The following PIM1 variants were observed in gnomAD, a reference collection of about 807,000 sequenced individuals.
PIM1 encodes serine/threonine-protein kinase pim-1.
Under a neutral mutation model 34.5 loss-of-function variants are expected in PIM1, and 9 were observed. The ratio of observed to expected loss-of-function variants is 0.26; its 90% CI spans 0.16 to 0.46. The LOEUF is 0.46. PIM1 is among the 20% of genes least tolerant of loss of function. The probability of loss-of-function intolerance (pLI) is 1.00; values close to 1 mark genes in which losing one functional copy is unlikely to be tolerated. For missense variants in PIM1, 274 were observed against 410.9 expected (o/e 0.67, Z 2.88); for synonymous variants, 199 against 175.2 (o/e 1.14, Z -1.07).
intron 4 of PIM1, among the ~76,000 whole-genome samples, chr6:37,171,869 GTTTTA>G (rs1398395863): frequency 6.6e-6 from 1 of 152,096 alleles, no homozygotes; most frequent in East Asian, 1.9e-4. Context: ...TGTAATTTTT[GTTTTA>G]TTTTATAAGG....
chr6:37,173,204 A>C, intron 5 of PIM1, 32 bp downstream of exon 5: 1 of 1,597,634 alleles, frequency 6.3e-7, no homozygotes. Context: ...CCATGGGGTT[A>C]TTGGTCTTAA....
chr6:37,172,991 C>T lies in PIM1; in HGVS notation c.608-5C>T, dbSNP rs773953967. 4 of 1,613,592 alleles carry T rather than the reference C, an allele frequency of 2.5e-6. No individual in the cohort carries two copies. The highest frequency in any genetic ancestry group is 1.3e-5 in the African/African-American group (1 of 74,832). ...TGTTTTCTCTTCTATTCCCTTGGCT[C>T]ACAGGGACCCGAGTGTATAGCCCTC... On this transcript the variant is annotated splice_region_variant and splice_polypyrimidine_tract_variant and intron_variant, in intron 4 of 5. Transcript: ENST00000373509.
In PIM1 at chr6:37,171,109, C is replaced by T. The variant is rs540189126; in HGVS notation, c.241-16C>T. On this transcript the variant is annotated splice_polypyrimidine_tract_variant and intron_variant, in intron 3 of 5. Transcript: ENST00000373509. ...CCCCCGACTCCCGCCCTAACGCGGC[C>T]CCCTCGCCCCTGCAGCCTAATGGCA... The T allele has an allele frequency of 5.6e-6, 9 of 1,613,822 alleles. No individual in the cohort carries two copies. In the Admixed American group the frequency reaches 8.3e-5, roughly 15 times the overall value.
rs778390341 is a variant in PIM1, at chr6:37,170,454, A to G, written c.-122A>G. 1 of 1,550,316 alleles carries G rather than the reference A, an allele frequency of 6.5e-7. No homozygotes were observed. The highest frequency in any genetic ancestry group is 1.2e-5 in the South Asian group (1 of 86,076). On this transcript the variant is annotated 5_prime_UTR_variant, in exon 1 of 6. Coordinates refer to ENST00000373509, the MANE Select transcript of PIM1 (RefSeq NM_002648.4). Reference sequence around the variant, plus strand: ...CGCGCCAGCCGCAGCCACAGCCGCAACGCCACCCGCAGCCACAGCCACAGC... The same window carrying G: ...CGCGCCAGCCGCAGCCACAGCCGCAGCGCCACCCGCAGCCACAGCCACAGC...
chr6:37,172,256 C>T (rs1345346518), intron 4 of PIM1, among the ~76,000 whole-genome samples: 2 of 152,096 alleles, frequency 1.3e-5, no homozygotes, highest in African/African-American at 4.8e-5. Flanking sequence ...GTTTATTTGC[C>T]CTTGGAGGAC....
Position 37,170,968 on chromosome 6 carries a change from C to G in PIM1, c.190-13C>G. 5 of 1,613,924 alleles carry G rather than the reference C, an allele frequency of 3.1e-6. No individual in the cohort carries two copies. Among genetic ancestry groups the G allele is most frequent in the Non-Finnish European group, 4.2e-6 (5 of 1,179,964 alleles). The stretch of plus-strand genomic sequence containing the variant: ...CCGGACGAGGGAACCTGACGGAGAC[C>G]CTGGGCTTCCAGGTGGCCATCAAAC... On this transcript the variant is annotated splice_polypyrimidine_tract_variant and intron_variant, in intron 2 of 5. Transcript: ENST00000373509.
At position 37,171,017 on chromosome 6, in the gene PIM1, G is replaced by T. The variant is rs771898144; in HGVS notation, c.226G>T (p.Asp76Tyr). 2.5e-5 allele frequency: 41 copies of T among 1,613,962 alleles called. No individual in the cohort carries two copies. The highest frequency in any genetic ancestry group is 3.2e-5 in the Non-Finnish European group (38 of 1,180,018). The part of the protein sequence containing the change: ...IKHVEKDRIS[D>Y]WGELPNGTRV... The stretch of plus-strand genomic sequence containing the variant: ...ACACGTGGAGAAGGACCGGATTTCC[G>T]ACTGGGGAGAGCTGGTGAGTGCCCT... The change falls in exon 3 of 6, where the codon GAC (aspartate) becomes TAC (tyrosine). Residue 76 changes from aspartate (D) to tyrosine (Y), a missense_variant. By Grantham distance (160) the Asp-to-Tyr change is radical. Transcript: ENST00000373509.
At chr6:37,170,695 G>A (rs1433815262) in intron 1 of PIM1, 38 bp downstream of exon 1, 2 of 1,605,242 alleles carry the variant, frequency 1.2e-6, no homozygotes, top group South Asian at 1.1e-5. Flanking sequence ...GGGATGCGGG[G>A]CGGCGGCGGG....
In PIM1 at chr6:37,173,145, G is replaced by A. The variant is rs1762338189; in HGVS notation, c.757G>A (p.Val253Ile). 6.2e-7 allele frequency: 1 copy of A among 1,614,184 alleles called. No homozygotes were observed. Among genetic ancestry groups the A allele is most frequent in the Non-Finnish European group, 8.5e-7 (1 of 1,180,046 alleles). ...TGACGAAGAGATCATCAGGGGCCAG[G>A]TTTTCTTCAGGCAGAGGGTCTCTTC... ...EHDEEIIRGQ[V>I]FFRQRVSSEC... Residue 253 changes from valine to isoleucine, a missense_variant, in exon 5 of 6, where the codon GTT becomes ATT. Val to Ile is a conservative substitution (Grantham distance 29, BLOSUM62 3). Coordinates refer to ENST00000373509, the MANE Select transcript of PIM1 (RefSeq NM_002648.4).
At position 37,173,094 on chromosome 6, in the gene PIM1, G is replaced by T; in HGVS notation, c.706G>T (p.Val236Leu). The T allele has an allele frequency of 6.2e-7, 1 of 1,614,212 alleles. No individual in the cohort carries two copies. The highest frequency in any genetic ancestry group is 1.1e-5 in the South Asian group (1 of 91,084). Residue 236 changes from valine to leucine, a missense_variant, in exon 5 of 6, where the codon GTG becomes TTG. Physicochemically the swap from Val to Leu is conservative, Grantham distance 32. This residue lies in a region of PIM1 where 168 missense variants were observed against 299.4 expected (regional missense o/e 0.56). Transcript: ENST00000373509. The stretch of plus-strand genomic sequence containing the variant: ...CCTGGGGATCCTGCTGTATGATATG[G>T]TGTGTGGAGATATTCCTTTCGAGCA... ...WSLGILLYDM[V>L]CGDIPFEHDE...
chr6:37,172,424 G>T, intron 4 of PIM1: 1 of 360,142 alleles, frequency 2.8e-6, no homozygotes, highest in East Asian at 7.4e-5. Context: ...GAATCACGTG[G>T]TCTGAAACCA....
Position 37,170,501 on chromosome 6 carries a change from C to A in PIM1, c.-75C>A. ...CAGCCACAGCCCCAGGCATAGCCTTCGGCACAGCCCCGGCTCCGGCTCCTG... is the reference window on the plus strand; with the variant it reads ...CAGCCACAGCCCCAGGCATAGCCTTAGGCACAGCCCCGGCTCCGGCTCCTG... On this transcript the variant is annotated 5_prime_UTR_variant, in exon 1 of 6. Coordinates refer to ENST00000373509, the MANE Select transcript of PIM1 (RefSeq NM_002648.4). 6.3e-7 allele frequency: 1 copy of A among 1,598,260 alleles called. No homozygotes were observed.
chr6:37,174,139 G>C lies in PIM1; in HGVS notation c.*48G>C. 6.4e-7 allele frequency: 1 copy of C among 1,569,908 alleles called. No homozygotes were observed. Among genetic ancestry groups the C allele is most frequent in the Non-Finnish European group, 8.7e-7 (1 of 1,155,172 alleles). On this transcript the variant is annotated 3_prime_UTR_variant, in exon 6 of 6. Transcript: ENST00000373509. ...CCTCTCTTGTCAGATGCCCGAGGGA[G>C]GGGAAGCTTCTGTCTCCAGCTTCCC...
Position 37,170,758 on chromosome 6 carries a change from T to G in PIM1, c.83-15T>G. 1.9e-6 allele frequency: 3 copies of G among 1,611,410 alleles called. No individual in the cohort carries two copies. Among genetic ancestry groups the G allele is most frequent in the East Asian group, 2.2e-5 (1 of 44,826 alleles). On this transcript the variant is annotated splice_polypyrimidine_tract_variant and intron_variant, in intron 1 of 5. Coordinates refer to ENST00000373509, the MANE Select transcript of PIM1 (RefSeq NM_002648.4). The stretch of plus-strand genomic sequence containing the variant: ...GCGGGCCGGCACTGAGTCCCCGTGC[T>G]TCCCCCTTTCCTAGGCAAGGAGAAG...
intron 4 of PIM1, among the ~76,000 whole-genome samples, chr6:37,172,269 T>C (rs931871180): frequency 6.6e-6 from 1 of 152,198 alleles, no homozygotes; most frequent in Admixed American, 6.5e-5. Context: ...TGGAGGACGC[T>C]GGGTTGGGCT....
chr6:37,172,883 TGA>T (rs1762331101), intron 4 of PIM1, 111 bp from the exon 5 acceptor site: 1 of 937,974 alleles, frequency 1.1e-6, no homozygotes, highest in Non-Finnish European at 1.7e-6. Context: ...ACCTAGCTCC[TGA>T]GAGAAGGGAT....
intron 4 of PIM1, 146 bp downstream of exon 4, chr6:37,171,637 G>T (rs1453197624): frequency 1.0e-6 from 1 of 963,776 alleles, no homozygotes; most frequent in East Asian, 2.6e-5. Context: ...ACGCAGGAGA[G>T]CCTCCCAGCG....
At position 37,170,265 on chromosome 6, in the gene PIM1, AG is replaced by A; in HGVS notation, c.-310del. 1 of 1,333,798 alleles carries A rather than the reference AG, an allele frequency of 7.5e-7. No individual in the cohort carries two copies. Among genetic ancestry groups the A allele is most frequent in the Non-Finnish European group, 9.6e-7 (1 of 1,039,568 alleles). 82.6% of individuals were successfully genotyped at this position (1,333,798 alleles called of 1,614,324 possible). On this transcript the variant is annotated 5_prime_UTR_variant, in exon 1 of 6. Coordinates refer to ENST00000373509, the MANE Select transcript of PIM1 (RefSeq NM_002648.4). ...CGGGACCGGCAGCAGCAGCAGCAGC[AG>A]CAGCAGCAGCAACCACTAGCCTCCT...
Position 37,171,186 on chromosome 6 carries a change from C to T in PIM1, c.302C>T (p.Ser101Phe), listed in dbSNP as rs531504155. 4 of 1,614,144 alleles carry T rather than the reference C, an allele frequency of 2.5e-6. No individual in the cohort carries two copies. Among genetic ancestry groups the T allele is most frequent in the East Asian group, 2.2e-5 (1 of 44,888 alleles). ...CTGAAGAAGGTGAGCTCGGGTTTCT[C>T]CGGCGTCATTAGGCTCCTGGACTGG... ...VLLKKVSSGF[S>F]GVIRLLDWFE... Residue 101 changes from serine to phenylalanine, a missense_variant, in exon 4 of 6, where the codon TCC (serine) becomes TTC (phenylalanine). Transcript: ENST00000373509.
Sources: allele counts gnomAD v4.1 joint callset (sites outside exome capture counted in the v4.1 genomes callset), GRCh38; gene constraint gnomAD v4.1.1; regional missense constraint gnomAD v4.1.1; transcripts MANE v1.5; gene names NCBI Gene and HGNC (gene_info 2026-07-23, HGNC 2026-07-21).